Variants in KRT34 observed in about 807,000 individuals in gnomAD.
KRT34 encodes keratin 34.
A neutral mutation model predicts 41.7 loss-of-function variants in KRT34; 31 were observed. The ratio of observed to expected loss-of-function variants is 0.74; its 90% CI spans 0.56 to 1.00. The LOEUF (loss-of-function observed/expected upper bound fraction) is 1.00, where lower values mean the gene tolerates loss of function less well. Ranked by LOEUF, KRT34 falls within the 50% of genes least tolerant of loss-of-function variation. KRT34 has a pLI of 0.00. For missense variants in KRT34, 523 were observed against 500.3 expected (o/e 1.05, Z -0.43); for synonymous variants, 224 against 212.9 (o/e 1.05, Z -0.45).
chr17:41,381,475 T>C (rs959545907), intron 2 of KRT34, among the ~76,000 whole-genome samples: 3 of 152,166 alleles, frequency 2.0e-5, no homozygotes, highest in Admixed American at 2.0e-4. Context: ...ACCAAATCAA[T>C]TCCCAAAGAA....
Position 41,379,337 on chromosome 17 carries a change from T to A in KRT34, c.876+16A>T. On this transcript the variant is annotated intron_variant, in intron 5 of 6. Coordinates refer to ENST00000394001, the MANE Select transcript of KRT34 (RefSeq NM_001386014.1). ...CAAGTTCCCATCGCTCACCAGCAGG[T>A]CTGAACAATACACACCAGGTTGTGC... 6.2e-7 allele frequency: 1 copy of A among 1,613,146 alleles called. No homozygotes were observed. The highest frequency in any genetic ancestry group is 8.5e-7 in the Non-Finnish European group (1 of 1,180,016).
At position 41,379,190 on chromosome 17, in the gene KRT34, G is replaced by T; in HGVS notation, c.877-14C>A. 6.2e-7 allele frequency: 1 copy of T among 1,614,028 alleles called. No homozygotes were observed. Among genetic ancestry groups the T allele is most frequent in the Non-Finnish European group, 8.5e-7 (1 of 1,179,854 alleles). On this transcript the variant is annotated splice_polypyrimidine_tract_variant and intron_variant, in intron 5 of 6. Transcript: ENST00000394001. Reference sequence around the variant, plus strand: ...CAGAGAGTCTCGCTGTGGTGGGGAAGATCAGGAATGTCAGAGAGCTGCTCC... The same window carrying T: ...CAGAGAGTCTCGCTGTGGTGGGGAATATCAGGAATGTCAGAGAGCTGCTCC...
At chr17:41,381,415 C>T (rs1272828760) in intron 2 of KRT34, among the ~76,000 whole-genome samples, 3 of 152,194 alleles carry the variant, frequency 2.0e-5, no homozygotes, top group Non-Finnish European at 4.4e-5. Context: ...CACAGGCACA[C>T]ATGAGATGAA....
At position 41,380,671 on chromosome 17, in the gene KRT34, G is replaced by A. The variant is rs151185021; in HGVS notation, c.588+385C>T. Among the ~76,000 whole-genome samples, 95 of 152,306 alleles carry A rather than the reference G, an allele frequency of 6.2e-4. No individual in the cohort carries two copies. The East Asian group carries it at 0.017, about 27-fold the overall frequency. On this transcript the variant is annotated intron_variant, in intron 3 of 6. Transcript: ENST00000394001. The stretch of plus-strand genomic sequence containing the variant: ...TCTCATATGGTACTTGTTTCACTCT[G>A]TCTTGTTTATATCACTGTGTTTATA...
upstream of KRT34, among the ~76,000 whole-genome samples, chr17:41,383,491 G>A (rs1486390194): frequency 6.6e-6 from 1 of 152,138 alleles, no homozygotes; most frequent in Non-Finnish European, 1.5e-5. Context: ...CTCTAAAGAT[G>A]AGCAAGAGTA....
Position 41,381,930 on chromosome 17 carries a change from T to A in KRT34, c.317A>T (p.Tyr106Phe). The change falls in exon 1 of 7, where the codon TAC becomes TTC. Residue 106 changes from tyrosine to phenylalanine, a missense_variant. By Grantham distance (22) the Tyr-to-Phe change is conservative. Coordinates refer to ENST00000394001, the MANE Select transcript of KRT34 (RefSeq NM_001386014.1). ...EPLLCPSYQSYFKTIEELQQK... is the reference protein window; with the variant it reads ...EPLLCPSYQSFFKTIEELQQK... ...CTGGAGCTCCTCAATGGTCTTGAAGTAGGACTGGTAGCTGGGGCACAGCAA... is the reference window on the plus strand; with the variant it reads ...CTGGAGCTCCTCAATGGTCTTGAAGAAGGACTGGTAGCTGGGGCACAGCAA... The A allele has an allele frequency of 6.2e-7, 1 of 1,614,220 alleles. No homozygotes were observed. Among genetic ancestry groups the A allele is most frequent in the South Asian group, 1.1e-5 (1 of 91,082 alleles).
chr17:41,383,707 G>C (rs578033824), upstream of KRT34, among the ~76,000 whole-genome samples: 1 of 152,218 alleles, frequency 6.6e-6, no homozygotes, highest in South Asian at 2.1e-4. Flanking sequence ...TTCTAGACTT[G>C]TTCCTCTTTC....
chr17:41,382,158 G>T lies in KRT34; in HGVS notation c.89C>A (p.Thr30Asn), dbSNP rs1172491990. The T allele has an allele frequency of 6.2e-7, 1 of 1,612,398 alleles. No homozygotes were observed. The highest frequency in any genetic ancestry group is 8.5e-7 in the Non-Finnish European group (1 of 1,180,030). Residue 30 changes from threonine to asparagine, a missense_variant, in exon 1 of 7, where the codon ACC becomes AAC. Physicochemically the swap from Thr to Asn is moderately conservative, Grantham distance 65. Coordinates refer to ENST00000394001, the MANE Select transcript of KRT34 (RefSeq NM_001386014.1). ...GGGGATGTTGCAGGCCCCAGGCAGG[G>T]TGTAGCCGTGGCAGCTGGGGGGCAC... Reference protein sequence around the residue: ...PCVPPSCHGYTLPGACNIPAN... With the variant: ...PCVPPSCHGYNLPGACNIPAN...
In KRT34 at chr17:41,381,899, C is replaced by T. The variant is rs769559689; in HGVS notation, c.348G>A (p.Lys116=). 1.2e-5 allele frequency: 19 copies of T among 1,613,868 alleles called. No individual in the cohort carries two copies. Among genetic ancestry groups the T allele is most frequent in the Non-Finnish European group, 1.6e-5 (19 of 1,179,710 alleles). Residue 116 remains lysine, a splice_region_variant and synonymous_variant, in exon 1 of 7, where the codon AAG becomes AAA. Transcript: ENST00000394001. ...CCCCCCATATGGCCAACCCCCTCAC[C>T]TTCTGCTGGAGCTCCTCAATGGTCT... ...YFKTIEELQQ[K]ILCAKAENAR...
chr17:41,381,309 T>TAC lies in KRT34; in HGVS notation c.432-99_432-98dup, dbSNP rs111544187. The stretch of plus-strand genomic sequence containing the variant: ...GAATTGGCCTGAATCTTCTTGAACT[T>TAC]ACAGTTTTCTGCCTCTTCTCTTCCA... On this transcript the variant is annotated intron_variant, in intron 2 of 6. Coordinates refer to ENST00000394001, the MANE Select transcript of KRT34 (RefSeq NM_001386014.1). 227 of 1,291,890 alleles carry TAC rather than the reference T, an allele frequency of 1.8e-4. 2 individuals are homozygous for TAC. The African/African-American group carries it at 2.4e-3, about 14-fold the overall frequency. The allele number at this position is 1,291,890 out of a possible 1,614,324, so 80.0% of individuals were successfully genotyped here.
In KRT34 at chr17:41,379,042, C is replaced by A. The variant is rs2017910496; in HGVS notation, c.1011G>T (p.Gln337His). 1 of 1,614,130 alleles carries A rather than the reference C, an allele frequency of 6.2e-7. No homozygotes were observed. The highest frequency in any genetic ancestry group is 1.3e-5 in the African/African-American group (1 of 74,942). ...EIRCDLERQNQEYQVLLDVRA... is the reference protein window; with the variant it reads ...EIRCDLERQNHEYQVLLDVRA... ...GCACGTCCAGCAGCACCTGGTACTC[C>A]TGGTTCTGCCGCTCCAGGTCACAGC... is the stretch of plus-strand genomic sequence containing the variant. The change falls in exon 6 of 7, where the codon CAG becomes CAT. Residue 337 changes from glutamine (Q) to histidine (H), a missense_variant. Transcript: ENST00000394001.
intron 3 of KRT34, among the ~76,000 whole-genome samples, chr17:41,379,984 G>A (rs1422063420): frequency 6.6e-6 from 1 of 152,152 alleles, no homozygotes; most frequent in Non-Finnish European, 1.5e-5. Flanking sequence ...AAAGGGGCCG[G>A]GCACAGTGGC....
At position 41,378,983 on chromosome 17, in the gene KRT34, C is replaced by T. The variant is rs751651630; in HGVS notation, c.1070G>A (p.Arg357Gln). The change falls in exon 6 of 7, where the codon CGG (arginine) becomes CAG (glutamine). Residue 357 changes from arginine to glutamine, a missense_variant. Arg to Gln is a conservative substitution (Grantham distance 43, BLOSUM62 1). Transcript: ENST00000394001. ...GCAGTCCTCACTCTCCAGGAGGCTC[C>T]GGTACGTGTTGATCTCACACTCCAG... Reference protein sequence around the residue: ...ARLECEINTYRSLLESEDCKL... With the variant: ...ARLECEINTYQSLLESEDCKL... 34 of 1,614,076 alleles carry T rather than the reference C, an allele frequency of 2.1e-5. No individual in the cohort carries two copies. The highest frequency in any genetic ancestry group is 2.7e-5 in the Non-Finnish European group (32 of 1,180,044).
chr17:41,379,265 C>T (rs1048047605), intron 5 of KRT34, 88 bp downstream of exon 5: 99 of 1,609,484 alleles, frequency 6.2e-5, no homozygotes, highest in Non-Finnish European at 8.2e-5. Context: ...GCTCCAAGAG[C>T]TAAGGAGAGT....
In KRT34 at chr17:41,381,958, G is replaced by T; in HGVS notation, c.289C>A (p.Pro97Thr). 1 of 1,614,290 alleles carries T rather than the reference G, an allele frequency of 6.2e-7. No individual in the cohort carries two copies. The stretch of plus-strand genomic sequence containing the variant: ...GACTGGTAGCTGGGGCACAGCAAGG[G>T]CTCCTGCTGCTGGGACCGCTCCTGG... The part of the protein sequence containing the change: ...LIQERSQQQE[P>T]LLCPSYQSYF... The change falls in exon 1 of 7, where the codon CCC becomes ACC. Residue 97 changes from proline (P) to threonine (T), a missense_variant. Coordinates refer to ENST00000394001, the MANE Select transcript of KRT34 (RefSeq NM_001386014.1).
chr17:41,379,120 C>G lies in KRT34; in HGVS notation c.933G>C (p.Leu311=), dbSNP rs769700932. 1 of 1,614,246 alleles carries G rather than the reference C, an allele frequency of 6.2e-7. No homozygotes were observed. The highest frequency in any genetic ancestry group is 1.1e-5 in the South Asian group (1 of 91,086). Residue 311 remains leucine (L), a synonymous_variant, in exon 6 of 7, where the codon CTG becomes CTC. Transcript: ENST00000394001. ...TGGTGATCAGGCTCTGCACCTGGGACAGCTGGGAGCTGTAGTGGGCCTCGC... is the reference window on the plus strand; with the variant it reads ...TGGTGATCAGGCTCTGCACCTGGGAGAGCTGGGAGCTGTAGTGGGCCTCGC... The part of the protein sequence containing the change: ...TESEAHYSSQ[L]SQVQSLITNV...
upstream of KRT34, chr17:41,382,506 G>T (rs2018016873): frequency 1.3e-6 from 1 of 762,488 alleles, no homozygotes; most frequent in Non-Finnish European, 2.1e-6. Flanking sequence ...GGGTGCTAGT[G>T]GTTGGTGAAA....
At position 41,382,060 on chromosome 17, in the gene KRT34, G is replaced by C. The variant is rs369259644; in HGVS notation, c.187C>G (p.Leu63Val). Residue 63 changes from leucine to valine, a missense_variant, in exon 1 of 7, where the codon CTG (leucine) becomes GTG (valine). Transcript: ENST00000394001. ...NGSEKETMQF[L>V]NDRLASYLEK... ...AGGTAGCTGGCCAGGCGGTCGTTCA[G>C]GAACTGCATAGTCTCCTTCTCGCTG... is the stretch of plus-strand genomic sequence containing the variant. The C allele has an allele frequency of 1.2e-6, 2 of 1,613,692 alleles. No homozygotes were observed. The highest frequency in any genetic ancestry group is 3.3e-5 in the Admixed American group (2 of 60,034).
chr17:41,378,399 C>T (rs953219421), intron 6 of KRT34, among the ~76,000 whole-genome samples: 4 of 152,190 alleles, frequency 2.6e-5, no homozygotes, highest in African/African-American at 9.6e-5. Flanking sequence ...AAGCGATTCT[C>T]CTGCCTCAGC....
Sources: gnomAD v4.1 joint callset for allele counts (sites outside exome capture counted in the v4.1 genomes callset) on GRCh38, gnomAD v4.1.1 for gene constraint, MANE v1.5 for transcripts, NCBI Gene and HGNC (gene_info 2026-07-23, HGNC 2026-07-21) for gene names.